VPS50: variants seen among roughly 807,000 people sequenced by gnomAD.
The protein encoded by VPS50 is VPS50 subunit of EARP/GARPII complex, also known as syndetin.
VPS50 carries 70 observed loss-of-function variants against 139.7 expected under a neutral mutation model. That is an observed-to-expected ratio of 0.50 (90% CI 0.41 to 0.61). The LOEUF is 0.61. Among genes scored for constraint, VPS50 ranks in the 20% least tolerant of loss-of-function variants. The pLI is 0.00. For synonymous variants in VPS50, 365 were observed against 376.7 expected, an observed-to-expected ratio of 0.97 and a Z score of 0.36; for missense variants, 921 against 1,133.7, an observed-to-expected ratio of 0.81 and a Z score of 2.69.
intron 20 of VPS50, among the ~76,000 whole-genome samples, chr7:93,323,064 A>G (rs987089329): frequency 2.6e-5 from 4 of 152,352 alleles, no homozygotes; most frequent in African/African-American, 9.6e-5. Context: ...CCTCTGACCC[A>G]AGATTTCACA....
intron 25 of VPS50, among the ~76,000 whole-genome samples, chr7:93,350,472 TTA>T (rs145944254): frequency 0.018 from 2,748 of 152,162 alleles, 89 homozygotes; most frequent in African/African-American, 0.063. Context: ...TGACCTGTGT[TTA>T]TATGTTTCCT....
intron 16 of VPS50, among the ~76,000 whole-genome samples, chr7:93,299,232 C>T (rs992369974): frequency 3.9e-5 from 6 of 152,124 alleles, no homozygotes; most frequent in Non-Finnish European, 7.4e-5. Flanking sequence ...TCAATGTGTT[C>T]TAAGGTATAT....
chr7:93,354,983 C>CT (rs1381193376), intron 26 of VPS50, among the ~76,000 whole-genome samples: 1 of 152,124 alleles, frequency 6.6e-6, no homozygotes, highest in Non-Finnish European at 1.5e-5. Context: ...TCGTGGCACT[C>CT]TGTATTGAAA....
intron 20 of VPS50, among the ~76,000 whole-genome samples, chr7:93,315,028 C>G (rs1013678744): frequency 3.9e-5 from 6 of 152,172 alleles, no homozygotes; most frequent in Admixed American, 3.9e-4. Context: ...GACAAAACGA[C>G]TCAGTTTCTC....
chr7:93,342,526 G>A (rs998065883), intron 23 of VPS50, among the ~76,000 whole-genome samples: 9 of 152,196 alleles, frequency 5.9e-5, no homozygotes, highest in Non-Finnish European at 1.2e-4. Context: ...CTGGGGGCAG[G>A]GCACAGACAA....
intron 9 of VPS50, among the ~76,000 whole-genome samples, chr7:93,267,782 A>T (rs1053393106): frequency 6.6e-6 from 1 of 152,210 alleles, no homozygotes; most frequent in Non-Finnish European, 1.5e-5. Flanking sequence ...CACTATGTAC[A>T]AGAACTGAGG....
At chr7:93,321,371 T>A (rs1411996884) in intron 20 of VPS50, among the ~76,000 whole-genome samples, 1 of 152,228 alleles carries the variant, frequency 6.6e-6, no homozygotes, top group Admixed American at 6.5e-5. Context: ...AGGAGGCATA[T>A]AAGCCTCCTC....
At chr7:93,297,357 G>A in intron 16 of VPS50, 114 bp downstream of exon 16, 3 of 1,152,802 alleles carry the variant, frequency 2.6e-6, no homozygotes, top group Non-Finnish European at 3.4e-6. Flanking sequence ...GAATTTGAAT[G>A]TGTTGTAGCT....
chr7:93,282,178 T>TG (rs1274183933), intron 12 of VPS50, among the ~76,000 whole-genome samples: 2 of 150,346 alleles, frequency 1.3e-5, no homozygotes, highest in African/African-American at 4.9e-5. Flanking sequence ...CACTCCAGCC[T>TG]GGGGGACAGA....
At chr7:93,245,035 A>G (rs1472574600) in intron 2 of VPS50, among the ~76,000 whole-genome samples, 1 of 151,888 alleles carries the variant, frequency 6.6e-6, no homozygotes, top group African/African-American at 2.4e-5. Flanking sequence ...GAGAGGTACA[A>G]GACTGTTCCT....
chr7:93,291,835 G>A lies in VPS50; in HGVS notation c.1075G>A (p.Glu359Lys). 1 of 1,567,832 alleles carries A rather than the reference G, an allele frequency of 6.4e-7. No individual in the cohort carries two copies. Among genetic ancestry groups the A allele is most frequent in the Non-Finnish European group, 8.6e-7 (1 of 1,158,568 alleles). Reference sequence around the variant, plus strand: ...CAATGAGGATACTGCTTCAGCTTCTGGTAGGAAAATATTTTTATTTTATTT... The same window carrying A: ...CAATGAGGATACTGCTTCAGCTTCTAGTAGGAAAATATTTTTATTTTATTT... ...HDNEDTASAS[E>K]GSNMIGTEET... The change falls in exon 13 of 28, where the codon GAA (glutamate) becomes AAA (lysine). Residue 359 changes from glutamate to lysine, a missense_variant and splice_region_variant. Coordinates refer to ENST00000305866, the MANE Select transcript of VPS50 (RefSeq NM_017667.4).
At chr7:93,342,265 C>A (rs1798236485) in intron 23 of VPS50, among the ~76,000 whole-genome samples, 1 of 152,232 alleles carries the variant, frequency 6.6e-6, no homozygotes, top group Non-Finnish European at 1.5e-5. Context: ...CTGTGCTTTT[C>A]CGACGGGCTT....
At chr7:93,258,021 A>G (rs907554880) in intron 6 of VPS50, 138 bp from the exon 7 acceptor site, 1 of 577,784 alleles carries the variant, frequency 1.7e-6, no homozygotes, top group Non-Finnish European at 3.1e-6. Flanking sequence ...CATTGAGTAC[A>G]TTTGTCAAAT....
Position 93,352,056 on chromosome 7 carries a change from A to G in VPS50, c.2464-1584A>G, listed in dbSNP as rs370211721. 5.3e-5 allele frequency among the ~76,000 whole-genome samples: 8 copies of G among 152,334 alleles called. No homozygotes were observed. The East Asian group carries it at 1.5e-3, about 29-fold the overall frequency. ...AATCTGCTTATATTGCCCCAAAAGA[A>G]TCATAAGAAAAATGAAATGTTTGTA... is the stretch of plus-strand genomic sequence containing the variant. On this transcript the variant is annotated intron_variant, in intron 25 of 27. Coordinates refer to ENST00000305866, the MANE Select transcript of VPS50 (RefSeq NM_017667.4).
chr7:93,265,596 A>G (rs6465376), intron 9 of VPS50, among the ~76,000 whole-genome samples: 144,919 of 152,172 alleles, frequency 0.95, 69,055 homozygotes, highest in East Asian at 1. Flanking sequence ...ACAGAGTCTC[A>G]CTGTGTCACC....
At chr7:93,306,743 T>G (rs1415180164) in intron 18 of VPS50, among the ~76,000 whole-genome samples, 1 of 151,980 alleles carries the variant, frequency 6.6e-6, no homozygotes, top group Non-Finnish European at 1.5e-5. Flanking sequence ...CTTCTGATCT[T>G]CATAATTTCC....
intron 21 of VPS50, among the ~76,000 whole-genome samples, chr7:93,327,382 G>T (rs191786899): frequency 1.2e-4 from 18 of 152,196 alleles, no homozygotes; most frequent in East Asian, 3.9e-4. Context: ...AAATAAATAA[G>T]ATCTTTCTGA....
intron 22 of VPS50, 45 bp from the exon 23 acceptor site, chr7:93,341,382 C>T (rs750161629): frequency 7.1e-7 from 1 of 1,404,512 alleles, no homozygotes; most frequent in Non-Finnish European, 9.8e-7. Context: ...TGGTTTATTA[C>T]TGTTAGATTT....
chr7:93,341,154 A>G lies in VPS50; in HGVS notation c.2059-273A>G, dbSNP rs116920468. Among the ~76,000 whole-genome samples the G allele has an allele frequency of 4.6e-3, 693 of 152,286 alleles. 8 individuals are homozygous for G. Among genetic ancestry groups the G allele is most frequent in the Non-Finnish European group, 6.5e-3 (443 of 68,012 alleles). On this transcript the variant is annotated intron_variant, in intron 22 of 27. Transcript: ENST00000305866. Reference sequence around the variant, plus strand: ...TGTTGTCACTGTGAAACATCTGTCAATTCATAAAGAGTCCTTGTGTTGACA... The same window carrying G: ...TGTTGTCACTGTGAAACATCTGTCAGTTCATAAAGAGTCCTTGTGTTGACA...
Sources: gnomAD v4.1 joint callset for allele counts (sites outside exome capture counted in the v4.1 genomes callset) on GRCh38, gnomAD v4.1.1 for gene constraint, MANE v1.5 for transcripts, NCBI Gene and HGNC (gene_info 2026-07-23, HGNC 2026-07-21) for gene names.